The following NRXN1 variants were observed in gnomAD, a reference collection of about 807,000 sequenced individuals.
NRXN1 encodes the protein neurexin 1, also known as neurexin-1.
A neutral mutation model predicts 150.9 loss-of-function variants in NRXN1; 39 were observed. The ratio of observed to expected loss-of-function variants is 0.26; its 90% CI spans 0.20 to 0.34. NRXN1 has a LOEUF of 0.34. Among genes scored for constraint, NRXN1 ranks in the 10% least tolerant of loss-of-function variants. NRXN1 has a pLI of 1.00. For missense variants in NRXN1, 1,815 were observed against 1,949.9 expected (o/e 0.93, Z 1.30); for synonymous variants, 924 against 757.0 (o/e 1.22, Z -3.62).
chr2:50,322,677 T>G (rs769775438), intron 17 of NRXN1, among the ~76,000 whole-genome samples: 68 of 152,314 alleles, frequency 4.5e-4, no homozygotes, highest in Non-Finnish European at 5.3e-4. Context: ...TGTTATTTTA[T>G]TTTCCCATTA....
chr2:50,019,340 TTTAGTAC>T, intron 21 of NRXN1: 1 of 471,062 alleles, frequency 2.1e-6, no homozygotes, highest in South Asian at 1.5e-5. Flanking sequence ...CGCTTGGAAA[TTTAGTAC>T]TTAAGAGCTA....
chr2:50,270,242 A>G (rs1166756591), intron 17 of NRXN1, among the ~76,000 whole-genome samples: 1 of 152,162 alleles, frequency 6.6e-6, no homozygotes, highest in Admixed American at 6.6e-5. Flanking sequence ...ATTTTGTATT[A>G]CTAAAATTCA....
At chr2:50,951,155 G>T (rs935174929) in intron 2 of NRXN1, among the ~76,000 whole-genome samples, 14 of 152,162 alleles carry the variant, frequency 9.2e-5, no homozygotes, top group African/African-American at 3.4e-4. Context: ...TACAGCTCAG[G>T]ATAATTCCTT....
chr2:49,952,248 G>T (rs1436475770), intron 21 of NRXN1, among the ~76,000 whole-genome samples: 2 of 151,966 alleles, frequency 1.3e-5, no homozygotes, highest in Non-Finnish European at 2.9e-5. Flanking sequence ...GAAGATACAT[G>T]ATAAGATAAA....
At chr2:50,645,615 A>G (rs1684709745) in intron 5 of NRXN1, among the ~76,000 whole-genome samples, 1 of 152,012 alleles carries the variant, frequency 6.6e-6, no homozygotes, top group South Asian at 2.1e-4. Context: ...TGTACTAAGC[A>G]TTCAACAGAT....
intron 18 of NRXN1, among the ~76,000 whole-genome samples, chr2:50,201,016 A>G (rs921735674): frequency 2.0e-5 from 3 of 151,898 alleles, no homozygotes; most frequent in African/African-American, 7.3e-5. Flanking sequence ...CTTTTATTTT[A>G]CTTCTGTTGC....
intron 5 of NRXN1, among the ~76,000 whole-genome samples, chr2:50,814,155 CTGTT>C (rs912706034): frequency 2.6e-5 from 4 of 152,028 alleles, no homozygotes; most frequent in Non-Finnish European, 2.9e-5. Flanking sequence ...TCTACCCTCT[CTGTT>C]TGTTTTTGTT....
At chr2:49,960,847 A>G (rs1675811451) in intron 21 of NRXN1, among the ~76,000 whole-genome samples, 1 of 152,174 alleles carries the variant, frequency 6.6e-6, no homozygotes, top group African/African-American at 2.4e-5. Flanking sequence ...TGCTTCATTG[A>G]CAGAGGAGGC....
intron 17 of NRXN1, among the ~76,000 whole-genome samples, chr2:50,282,056 A>G (rs1015558776): frequency 1.3e-5 from 2 of 152,188 alleles, no homozygotes; most frequent in Non-Finnish European, 2.9e-5. Context: ...GATACATTTA[A>G]TCAAAATGTC....
intron 18 of NRXN1, among the ~76,000 whole-genome samples, chr2:50,158,597 G>C (rs901813166): frequency 6.6e-6 from 1 of 151,908 alleles, no homozygotes; most frequent in African/African-American, 2.4e-5. Flanking sequence ...AAAAACTAAA[G>C]TTCTTTGTGA....
chr2:50,987,272 AAAT>A (rs1468007418), intron 2 of NRXN1, among the ~76,000 whole-genome samples: 1 of 151,954 alleles, frequency 6.6e-6, no homozygotes, highest in East Asian at 1.9e-4. Flanking sequence ...ATTCAATATA[AAAT>A]AAAAAAGTAT....
chr2:49,943,868 G>T, intron 21 of NRXN1, 77 bp from the exon 22 acceptor site: 2 of 1,067,140 alleles, frequency 1.9e-6, no homozygotes, highest in Non-Finnish European at 2.9e-6. Context: ...ATTGACAAGT[G>T]AAATACAATT....
chr2:50,341,957 C>T (rs1276766841), intron 17 of NRXN1, among the ~76,000 whole-genome samples: 4 of 152,020 alleles, frequency 2.6e-5, no homozygotes, highest in Non-Finnish European at 5.9e-5. Flanking sequence ...ATTGAATTTG[C>T]CTCTTTAAGG....
chr2:50,747,381 A>G (rs1208817316), intron 5 of NRXN1, among the ~76,000 whole-genome samples: 2 of 152,118 alleles, frequency 1.3e-5, no homozygotes, highest in South Asian at 2.1e-4. Flanking sequence ...AGGTTTCCTA[A>G]TTTATAGATT....
At chr2:50,733,089 T>C (rs1199285671) in intron 5 of NRXN1, among the ~76,000 whole-genome samples, 1 of 152,148 alleles carries the variant, frequency 6.6e-6, no homozygotes, top group Non-Finnish European at 1.5e-5. Flanking sequence ...AAATATCTAA[T>C]GAGGAAAAGG....
At position 50,019,641 on chromosome 2, in the gene NRXN1, CAAAAAAA is replaced by C. The variant is rs764073226; in HGVS notation, c.4128+33623_4128+33629del. Among the ~76,000 whole-genome samples the C allele has an allele frequency of 1.6e-4, 4 of 25,554 alleles. 1 individual carries two copies. The Admixed American group carries it at 1.9e-3, about 12-fold the overall frequency. The allele number at this position is 25,554 out of a possible 152,430, so 16.8% of individuals were successfully genotyped here. On this transcript the variant is annotated intron_variant, in intron 21 of 22. Coordinates refer to ENST00000401669, the MANE Select transcript of NRXN1 (RefSeq NM_001330078.2). ...TGTAAGAAGGAGCAAGATTCCGTCT[CAAAAAAA>C]AAAAAAAAAAAAAGGAGGCTGGGCG...
intron 17 of NRXN1, among the ~76,000 whole-genome samples, chr2:50,358,002 G>A (rs2078940631): frequency 6.6e-6 from 1 of 152,114 alleles, no homozygotes; most frequent in African/African-American, 2.4e-5. Context: ...TCCTAGCCAA[G>A]GGAAGCCGGT....
intron 17 of NRXN1, chr2:50,312,679 T>G: frequency 6.0e-6 from 3 of 499,466 alleles, no homozygotes; most frequent in Non-Finnish European, 1.2e-5. Context: ...CATCTGATTT[T>G]TTGTCACATC....
At chr2:50,281,882 A>G (rs2071505981) in intron 17 of NRXN1, among the ~76,000 whole-genome samples, 1 of 152,152 alleles carries the variant, frequency 6.6e-6, no homozygotes, top group African/African-American at 2.4e-5. Flanking sequence ...TTAAAGACTC[A>G]TCATCCTTAA....
Sources: allele counts gnomAD v4.1 joint callset (sites outside exome capture counted in the v4.1 genomes callset), GRCh38; gene constraint gnomAD v4.1.1; transcripts MANE v1.5; gene names NCBI Gene and HGNC (gene_info 2026-07-23, HGNC 2026-07-21).